Variants in SCHIP1 observed in about 807,000 individuals in gnomAD.
The protein encoded by SCHIP1 is schwannomin-interacting protein 1.
SCHIP1 carries 8 observed loss-of-function variants against 29.7 expected under a neutral mutation model. The observed-to-expected ratio is 0.27, with a 90% CI of 0.16 to 0.49. The LOEUF (loss-of-function observed/expected upper bound fraction) is 0.49, where lower values mean the gene tolerates loss of function less well. Ranked by LOEUF, SCHIP1 falls within the 20% of genes least tolerant of loss-of-function variation. The pLI is 0.99. For synonymous variants in SCHIP1, 76 were observed against 94.9 expected (o/e 0.80, Z 1.16); for missense variants, 193 against 294.6 (o/e 0.66, Z 2.52).
chr3:159,798,437 A>G, the SCHIP1 span, among the ~76,000 whole-genome samples: 2 of 151,998 alleles, frequency 1.3e-5, no homozygotes, highest in Non-Finnish European at 2.9e-5. Flanking sequence ...TTTCTTCTTC[A>G]TTATCATGAT....
chr3:159,639,605 A>G, the SCHIP1 span, among the ~76,000 whole-genome samples: 1 of 152,182 alleles, frequency 6.6e-6, no homozygotes, highest in Non-Finnish European at 1.5e-5. Context: ...CCAGCAGTAA[A>G]TCCAAAGAGG....
the SCHIP1 span, among the ~76,000 whole-genome samples, chr3:159,497,198 T>C: frequency 6.6e-6 from 1 of 151,848 alleles, no homozygotes; most frequent in African/African-American, 2.4e-5. Context: ...TGTATACATG[T>C]GTAACAAACC....
upstream of SCHIP1, among the ~76,000 whole-genome samples, chr3:159,839,628 C>CT (rs3068349): frequency 1.2e-3 from 86 of 71,776 alleles, 3 homozygotes; most frequent in South Asian, 2.8e-3. Flanking sequence ...AGGTCTTTTT[C>CT]TTTTTTTTTT....
the SCHIP1 span, among the ~76,000 whole-genome samples, chr3:159,292,138 G>A: frequency 6.6e-6 from 1 of 151,828 alleles, no homozygotes; most frequent in Admixed American, 6.6e-5. Flanking sequence ...AAATTCTAGG[G>A]GTAAAATAAC....
the SCHIP1 span, among the ~76,000 whole-genome samples, chr3:159,793,793 A>C: frequency 6.6e-6 from 1 of 152,180 alleles, no homozygotes; most frequent in South Asian, 2.1e-4. Context: ...CCTGGCCTCA[A>C]GTCATCCACT....
At chr3:159,763,403 C>T in the SCHIP1 span, among the ~76,000 whole-genome samples, 15 of 152,138 alleles carry the variant, frequency 9.9e-5, no homozygotes, top group Non-Finnish European at 1.9e-4. Context: ...GGTAACGAGT[C>T]ACGCAGAGAC....
At chr3:159,686,065 C>T in the SCHIP1 span, among the ~76,000 whole-genome samples, 5 of 152,040 alleles carry the variant, frequency 3.3e-5, no homozygotes, top group African/African-American at 4.8e-5. Context: ...CCAAGGCCCA[C>T]CAAAAGTGGA....
the SCHIP1 span, among the ~76,000 whole-genome samples, chr3:159,827,171 T>C: frequency 6.6e-6 from 1 of 152,158 alleles, no homozygotes; most frequent in African/African-American, 2.4e-5. Context: ...CTAAAATAAT[T>C]TGAATATTTC....
chr3:159,517,462 T>A, the SCHIP1 span, among the ~76,000 whole-genome samples: 1 of 152,078 alleles, frequency 6.6e-6, no homozygotes, highest in African/African-American at 2.4e-5. Flanking sequence ...GATGAAAAAT[T>A]AACTGTTTTT....
At chr3:159,805,907 C>G in the SCHIP1 span, among the ~76,000 whole-genome samples, 894 of 150,880 alleles carry the variant, frequency 5.9e-3, 8 homozygotes, top group Non-Finnish European at 0.011. Flanking sequence ...CTCCCAGGTT[C>G]GAGCAATTCT....
chr3:159,728,670 C>T, the SCHIP1 span, among the ~76,000 whole-genome samples: 1 of 152,306 alleles, frequency 6.6e-6, no homozygotes, highest in African/African-American at 2.4e-5. Flanking sequence ...TGCTCAGAAG[C>T]ATCTTGTGAA....
At chr3:159,447,562 G>C in the SCHIP1 span, among the ~76,000 whole-genome samples, 2 of 152,160 alleles carry the variant, frequency 1.3e-5, no homozygotes, top group Admixed American at 1.3e-4. Context: ...GGCTCCCATT[G>C]CCGTGCCATA....
chr3:159,688,301 C>CGTGAATTT, the SCHIP1 span, among the ~76,000 whole-genome samples: 3 of 152,090 alleles, frequency 2.0e-5, no homozygotes, highest in African/African-American at 7.2e-5. Context: ...TTCTAACAGG[C>CGTGAATTT]GTGAATTTGT....
chr3:159,631,131 A>G, the SCHIP1 span, among the ~76,000 whole-genome samples: 1 of 152,150 alleles, frequency 6.6e-6, no homozygotes, highest in Non-Finnish European at 1.5e-5. Context: ...GTAAGATACT[A>G]CTTAACACAT....
chr3:159,382,474 A>G, the SCHIP1 span, among the ~76,000 whole-genome samples: 102 of 151,880 alleles, frequency 6.7e-4, no homozygotes, highest in Admixed American at 4.6e-3. Flanking sequence ...TCCATGGTGT[A>G]TATGTGCCAC....
chr3:159,662,580 C>T, the SCHIP1 span, among the ~76,000 whole-genome samples: 13,040 of 152,208 alleles, frequency 0.086, 1,659 homozygotes, highest in African/African-American at 0.28. Flanking sequence ...GCTTAATTGG[C>T]TGTCTTCTGT....
At chr3:159,607,734 C>A in the SCHIP1 span, among the ~76,000 whole-genome samples, 5 of 152,034 alleles carry the variant, frequency 3.3e-5, no homozygotes, top group Non-Finnish European at 7.4e-5. Context: ...AACAGGAGCC[C>A]CCTGTGAGGT....
At chr3:159,812,707 A>G in the SCHIP1 span, among the ~76,000 whole-genome samples, 1 of 152,220 alleles carries the variant, frequency 6.6e-6, no homozygotes, top group Non-Finnish European at 1.5e-5. Context: ...AGCAAAAGGA[A>G]TTTACACCTA....
the SCHIP1 span, among the ~76,000 whole-genome samples, chr3:159,704,838 GCTT>G: frequency 2.0e-5 from 3 of 150,448 alleles, no homozygotes; most frequent in African/African-American, 7.3e-5. Context: ...TTTCTTTCTT[GCTT>G]CTTTTTTATT....
Sources: gnomAD v4.1 joint callset for allele counts (sites outside exome capture counted in the v4.1 genomes callset) on GRCh38, gnomAD v4.1.1 for gene constraint, MANE v1.5 for transcripts, NCBI Gene and HGNC (gene_info 2026-07-23, HGNC 2026-07-21) for gene names.